HLCS: variants seen among roughly 807,000 people sequenced by gnomAD.
HLCS encodes the protein biotin--protein ligase.
In HLCS, 53 loss-of-function variants were observed where a neutral mutation model predicts 75.0. The observed-to-expected ratio is 0.71, with a 90% CI of 0.57 to 0.89. The LOEUF is 0.89. Among genes scored for constraint, HLCS ranks in the 40% least tolerant of loss-of-function variants. The pLI is 0.00. For synonymous variants in HLCS, 431 were observed against 428.6 expected (o/e 1.01, Z -0.07); for missense variants, 966 against 1,074.0 (o/e 0.90, Z 1.41).
At chr21:36,786,070 A>G (rs377576366) in intron 6 of HLCS, among the ~76,000 whole-genome samples, 6 of 152,266 alleles carry the variant, frequency 3.9e-5, no homozygotes, top group African/African-American at 1.4e-4. Flanking sequence ...CACTTCTGCT[A>G]GGAGAGGAGA....
chr21:36,863,970 G>A (rs889612690), intron 6 of HLCS, among the ~76,000 whole-genome samples: 1 of 152,200 alleles, frequency 6.6e-6, no homozygotes, highest in African/African-American at 2.4e-5. Flanking sequence ...TTCCGTCTAA[G>A]CTAGGACAGT....
chr21:36,767,800 G>C (rs1017666626), intron 6 of HLCS, among the ~76,000 whole-genome samples: 1 of 152,152 alleles, frequency 6.6e-6, no homozygotes, highest in African/African-American at 2.4e-5. Context: ...TATCCCCTGA[G>C]AACTAATTAT....
intron 6 of HLCS, among the ~76,000 whole-genome samples, chr21:36,890,622 C>T (rs144419694): frequency 3.9e-4 from 60 of 152,276 alleles, no homozygotes; most frequent in East Asian, 3.1e-3. Context: ...AGACAAGCCA[C>T]TCACATGCCC....
intron 2 of HLCS, among the ~76,000 whole-genome samples, chr21:36,942,336 T>C (rs1187163853): frequency 5.1e-5 from 7 of 137,606 alleles, no homozygotes; most frequent in Admixed American, 7.3e-5. Flanking sequence ...GAGGTGGAGG[T>C]TGTGGTGAGC....
intron 6 of HLCS, among the ~76,000 whole-genome samples, chr21:36,892,663 A>G (rs1834140520): frequency 6.6e-6 from 1 of 152,246 alleles, no homozygotes; most frequent in South Asian, 2.1e-4. Flanking sequence ...ACCTCAGCAG[A>G]AACTGCTGGC....
intron 6 of HLCS, among the ~76,000 whole-genome samples, chr21:36,805,692 C>T (rs1188939936): frequency 1.3e-5 from 2 of 152,250 alleles, no homozygotes; most frequent in African/African-American, 2.4e-5. Context: ...TCTCCGTGAC[C>T]TCTTGGTAAA....
rs574249968 is a variant in HLCS, at chr21:36,977,790, GAAT to G, written c.-393+12365_-393+12367del. 1.6e-3 allele frequency among the ~76,000 whole-genome samples: 251 copies of G among 152,318 alleles called. 2 individuals carry two copies. The highest frequency in any genetic ancestry group is 5.8e-3 in the African/African-American group (243 of 41,568). On this transcript the variant is annotated intron_variant, in intron 1 of 11. Coordinates refer to the HLCS transcript ENST00000336648. Reference sequence around the variant, plus strand: ...CTCTCGTTCCACAGCTCCAATGCAGGAATAATAATAGCATCCACCTGGTGTGGG... The same window carrying G: ...CTCTCGTTCCACAGCTCCAATGCAGGAATAATAGCATCCACCTGGTGTGGG...
At chr21:36,940,991 C>T (rs547885072) in intron 2 of HLCS, among the ~76,000 whole-genome samples, 1 of 152,258 alleles carries the variant, frequency 6.6e-6, no homozygotes, top group African/African-American at 2.4e-5. Context: ...GTGGGCAAAT[C>T]ACCTGAGCTC....
At chr21:36,770,590 T>C (rs1355628308) in intron 6 of HLCS, among the ~76,000 whole-genome samples, 1 of 152,094 alleles carries the variant, frequency 6.6e-6, no homozygotes. Context: ...TTTCTTTTTT[T>C]TTTTCGTTTG....
At chr21:36,965,241 C>G (rs2068505925) in intron 1 of HLCS, among the ~76,000 whole-genome samples, 1 of 152,156 alleles carries the variant, frequency 6.6e-6, no homozygotes, top group Non-Finnish European at 1.5e-5. Flanking sequence ...GTGACATATG[C>G]AGAAAACGTC....
chr21:36,931,458 G>C (rs759887153), intron 4 of HLCS, among the ~76,000 whole-genome samples: 2 of 151,948 alleles, frequency 1.3e-5, no homozygotes, highest in African/African-American at 4.8e-5. Flanking sequence ...TTTTAAGAGC[G>C]TTTGCAGGAG....
intron 6 of HLCS, among the ~76,000 whole-genome samples, chr21:36,845,935 A>AAAATCT (rs1391939481): frequency 6.6e-6 from 1 of 152,132 alleles, no homozygotes; most frequent in East Asian, 1.9e-4. Flanking sequence ...GAAAAAAACC[A>AAAATCT]AGGTTGGGCA....
intron 5 of HLCS, among the ~76,000 whole-genome samples, chr21:36,902,643 C>T (rs1261907307): frequency 3.3e-5 from 5 of 152,230 alleles, no homozygotes; most frequent in African/African-American, 7.2e-5. Flanking sequence ...GCAAGATCAT[C>T]GGCTAAGAGA....
chr21:36,906,818 C>T (rs942206965), intron 5 of HLCS, among the ~76,000 whole-genome samples: 6 of 151,892 alleles, frequency 4.0e-5, no homozygotes, highest in African/African-American at 1.5e-4. Context: ...TGCAGTATAT[C>T]AAGACGGTGT....
At chr21:36,881,113 G>A (rs1445012827) in intron 6 of HLCS, among the ~76,000 whole-genome samples, 1 of 152,036 alleles carries the variant, frequency 6.6e-6, no homozygotes, top group East Asian at 1.9e-4. Flanking sequence ...GGGACTACAG[G>A]TGTGCACCAC....
chr21:36,906,829 G>A (rs915649788), intron 5 of HLCS, among the ~76,000 whole-genome samples: 1 of 152,074 alleles, frequency 6.6e-6, no homozygotes, highest in Non-Finnish European at 1.5e-5. Context: ...AAGACGGTGT[G>A]GTATTGGCAC....
intron 6 of HLCS, among the ~76,000 whole-genome samples, chr21:36,835,358 G>A (rs1309002057): frequency 6.6e-6 from 1 of 152,002 alleles, no homozygotes; most frequent in African/African-American, 2.4e-5. Context: ...TCACCTTTTG[G>A]GTCAAAAACT....
chr21:36,972,921 A>T (rs1228368882), intron 1 of HLCS, among the ~76,000 whole-genome samples: 1 of 152,178 alleles, frequency 6.6e-6, no homozygotes, highest in Non-Finnish European at 1.5e-5. Flanking sequence ...AATTTAATTT[A>T]AAAAGGACTT....
chr21:36,762,032 A>G (rs1400678718), intron 8 of HLCS, among the ~76,000 whole-genome samples: 1 of 152,210 alleles, frequency 6.6e-6, no homozygotes, highest in Non-Finnish European at 1.5e-5. Context: ...GCATTTCCAC[A>G]TGAAGAGGAG....
Sources: gnomAD v4.1 joint callset for allele counts (sites outside exome capture counted in the v4.1 genomes callset) on GRCh38, gnomAD v4.1.1 for gene constraint, MANE v1.5 for transcripts, NCBI Gene and HGNC (gene_info 2026-07-23, HGNC 2026-07-21) for gene names.